Variants in FAT1 observed in about 807,000 individuals in gnomAD.
The protein encoded by FAT1 is protocadherin Fat 1.
Under a neutral mutation model 329.8 loss-of-function variants are expected in FAT1, and 171 were observed. That is an observed-to-expected ratio of 0.52 (90% CI 0.46 to 0.59). The LOEUF (loss-of-function observed/expected upper bound fraction) is 0.59, where lower values mean the gene tolerates loss of function less well. Among genes scored for constraint, FAT1 ranks in the 20% least tolerant of loss-of-function variants. The pLI, the probability that FAT1 is intolerant of heterozygous loss-of-function variation, is 0.00. For missense variants in FAT1, 5,672 were observed against 5,774.4 expected (o/e 0.98, Z 0.57); for synonymous variants, 2,233 against 2,228.6 (o/e 1.00, Z -0.06).
chr4:186,661,966 G>A (rs983886150), intron 3 of FAT1, among the ~76,000 whole-genome samples: 2 of 152,058 alleles, frequency 1.3e-5, no homozygotes, highest in African/African-American at 4.8e-5. Flanking sequence ...TTGAATGAGA[G>A]GACTCCCAAG....
intron 2 of FAT1, among the ~76,000 whole-genome samples, chr4:186,699,122 G>A (rs952605017): frequency 1.3e-5 from 2 of 151,970 alleles, no homozygotes; most frequent in South Asian, 2.1e-4. Context: ...GCCTGTACAC[G>A]GCAAGTACTC....
chr4:186,613,982 G>A (rs960426057), intron 12 of FAT1, among the ~76,000 whole-genome samples: 2 of 152,054 alleles, frequency 1.3e-5, no homozygotes, highest in African/African-American at 2.4e-5. Context: ...TCAATTAGGT[G>A]ATATTCTTGC....
At chr4:186,636,529 A>C (rs566065802) in intron 5 of FAT1, 56 bp downstream of exon 5, 2 of 1,484,586 alleles carry the variant, frequency 1.3e-6, no homozygotes, top group African/African-American at 2.8e-5. Flanking sequence ...AAAAATACAA[A>C]ATAAGGTTTA....
intron 26 of FAT1, among the ~76,000 whole-genome samples, chr4:186,594,864 A>G (rs896793062): frequency 2.0e-5 from 3 of 151,472 alleles, no homozygotes; most frequent in Non-Finnish European, 4.4e-5. Context: ...CACCAATAAA[A>G]TATTTGAAAT....
chr4:186,609,427 T>G (rs1739292201), intron 15 of FAT1, 107 bp from the exon 16 acceptor site: 18 of 1,351,358 alleles, frequency 1.3e-5, no homozygotes, highest in South Asian at 1.1e-4. Context: ...TGTTGTTGTT[T>G]TTTTTTTGAG....
At chr4:186,629,097 T>A (rs1186357670) in intron 7 of FAT1, among the ~76,000 whole-genome samples, 1 of 152,204 alleles carries the variant, frequency 6.6e-6, no homozygotes, top group African/African-American at 2.4e-5. Flanking sequence ...GTCACTCATG[T>A]ACGGATAACA....
intron 20 of FAT1, 124 bp downstream of exon 20, chr4:186,602,779 A>G: frequency 9.4e-7 from 1 of 1,066,688 alleles, no homozygotes; most frequent in South Asian, 1.7e-5. Context: ...ATTCATCTCC[A>G]CATCTGTCTT....
chr4:186,658,962 C>T (rs74903030), intron 3 of FAT1, among the ~76,000 whole-genome samples: 2,133 of 152,314 alleles, frequency 0.014, 89 homozygotes, highest in East Asian at 0.14. Flanking sequence ...TTTCATAGTT[C>T]GGTAAATAAA....
At chr4:186,669,919 C>T (rs1742653937) in intron 2 of FAT1, among the ~76,000 whole-genome samples, 1 of 152,158 alleles carries the variant, frequency 6.6e-6, no homozygotes, top group Non-Finnish European at 1.5e-5. Flanking sequence ...ACTGCTGGCC[C>T]CTGCTGCTGT....
intron 1 of FAT1, among the ~76,000 whole-genome samples, chr4:186,715,071 C>T (rs984143072): frequency 7.1e-6 from 1 of 141,624 alleles, no homozygotes; most frequent in Non-Finnish European, 1.5e-5. Flanking sequence ...GAGCAAGACT[C>T]TGTCTCAAAA....
At chr4:186,714,519 G>C (rs1279516412) in intron 1 of FAT1, among the ~76,000 whole-genome samples, 7 of 151,944 alleles carry the variant, frequency 4.6e-5, no homozygotes, top group Admixed American at 6.6e-5. Flanking sequence ...AAATTTGAGA[G>C]TTGTCTAAAT....
Position 186,597,728 on chromosome 4 carries a change from A to G in FAT1, c.12322T>C (p.Leu4108=). The G allele has an allele frequency of 6.2e-7, 1 of 1,613,958 alleles. No homozygotes were observed. The highest frequency in any genetic ancestry group is 8.5e-7 in the Non-Finnish European group (1 of 1,179,894). The change falls in exon 24 of 27, where the codon TTG becomes CTG. Residue 4108 remains leucine, a synonymous_variant. Coordinates refer to ENST00000441802, the MANE Select transcript of FAT1 (RefSeq NM_005245.4). ...TCACACTGACAAACGGCGCCATCCAAACTGTCAAAGCATGTTCCGCCATTC... is the reference window on the plus strand; with the variant it reads ...TCACACTGACAAACGGCGCCATCCAGACTGTCAAAGCATGTTCCGCCATTC... The part of the protein sequence containing the change: ...CKNGGTCFDS[L]DGAVCQCDSG...
In FAT1 at chr4:186,639,898, T is replaced by C. The variant is rs958554270; in HGVS notation, c.3581-115A>G. 6.0e-6 allele frequency: 5 copies of C among 831,384 alleles called. No individual in the cohort carries two copies. The African/African-American group carries it at 6.9e-5, about 11-fold the overall frequency. The allele number at this position is 831,384 out of a possible 1,614,324, so 51.5% of individuals were successfully genotyped here. A position where few individuals can be genotyped will look rare whatever the true frequency, so the allele number is the denominator to read the frequency against. ...TAGCTCATGCCTTAATCCCAGCACT[T>C]TGGGAGGCCCAGGGGGGTGGATTAC... On this transcript the variant is annotated intron_variant, in intron 3 of 26. Coordinates refer to ENST00000441802, the MANE Select transcript of FAT1 (RefSeq NM_005245.4).
At chr4:186,608,552 C>T (rs552273883) in intron 16 of FAT1, among the ~76,000 whole-genome samples, 10 of 152,128 alleles carry the variant, frequency 6.6e-5, no homozygotes, top group African/African-American at 2.4e-4. Flanking sequence ...GACATTTTTT[C>T]TTTTCTAATA....
At position 186,709,792 on chromosome 4, in the gene FAT1, G is replaced by A. The variant is rs2126706745; in HGVS notation, c.36C>T (p.Leu12=). The A allele has an allele frequency of 6.2e-7, 1 of 1,609,512 alleles. No individual in the cohort carries two copies. The highest frequency in any genetic ancestry group is 8.5e-7 in the Non-Finnish European group (1 of 1,177,434). Residue 12 remains leucine (L), a synonymous_variant, in exon 2 of 27, where the codon CTC becomes CTT. Coordinates refer to ENST00000441802, the MANE Select transcript of FAT1 (RefSeq NM_005245.4). The part of the protein sequence containing the change: ...GRHLALLLLL[L]LLFQHFGDSD... ...TGTCTCCAAAATGTTGGAAGAGAAGGAGCAGAAGCAGGAGCAAAGCCAAAT... is the reference window on the plus strand; with the variant it reads ...TGTCTCCAAAATGTTGGAAGAGAAGAAGCAGAAGCAGGAGCAAAGCCAAAT...
Position 186,587,976 on chromosome 4 carries a change from A to C in FAT1, c.*616T>G, listed in dbSNP as rs1560909713. On this transcript the variant is annotated 3_prime_UTR_variant, in exon 27 of 27. Transcript: ENST00000441802. ...CACTTTCCAATAATGAAAAATGTTT[A>C]TAATTCTAAATACAGCAACCCATGT... The C allele has an allele frequency of 9.2e-6, 2 of 216,294 alleles. No homozygotes were observed. Among genetic ancestry groups the C allele is most frequent in the Non-Finnish European group, 1.9e-5 (2 of 107,334 alleles). The allele number at this position is 216,294 out of a possible 1,614,324, so 13.4% of individuals were successfully genotyped here.
intron 1 of FAT1, among the ~76,000 whole-genome samples, chr4:186,715,630 A>G (rs1046256081): frequency 6.6e-6 from 1 of 152,156 alleles, no homozygotes; most frequent in Admixed American, 6.5e-5. Flanking sequence ...TCTAAAAAGG[A>G]CCTTATCGCC....
At chr4:186,652,293 G>A (rs996071908) in intron 3 of FAT1, among the ~76,000 whole-genome samples, 2 of 152,122 alleles carry the variant, frequency 1.3e-5, no homozygotes, top group African/African-American at 2.4e-5. Flanking sequence ...CATTTTATAA[G>A]GTTAACATCA....
intron 16 of FAT1, among the ~76,000 whole-genome samples, chr4:186,608,783 G>C (rs183062022): frequency 1.3e-5 from 2 of 152,078 alleles, no homozygotes; most frequent in African/African-American, 4.8e-5. Flanking sequence ...ATACAACTGG[G>C]TAAAGTCCCC....
Sources: allele counts gnomAD v4.1 joint callset (sites outside exome capture counted in the v4.1 genomes callset), GRCh38; gene constraint gnomAD v4.1.1; transcripts MANE v1.5; gene names NCBI Gene and HGNC (gene_info 2026-07-23, HGNC 2026-07-21).